The following CARD10 variants were observed in gnomAD, a reference collection of about 807,000 sequenced individuals.
CARD10 encodes caspase recruitment domain family member 10.
Under a neutral mutation model 114.6 loss-of-function variants are expected in CARD10, and 49 were observed. That is an observed-to-expected ratio of 0.43 (90% CI 0.34 to 0.54). CARD10 has a LOEUF of 0.54. CARD10 is among the 20% of genes least tolerant of loss of function. The pLI is 0.03. For synonymous variants in CARD10, 602 were observed against 593.2 expected, an observed-to-expected ratio of 1.01 and a Z score of -0.21; for missense variants, 1,206 against 1,397.2, an observed-to-expected ratio of 0.86 and a Z score of 2.18.
chr22:37,518,217 G>T, intron 1 of CARD10, 109 bp from the exon 2 acceptor site: 1 of 1,084,360 alleles, frequency 9.2e-7, no homozygotes, highest in Non-Finnish European at 1.3e-6. Flanking sequence ...AGATTTTTGA[G>T]CCAGTGACAC....
rs2145751209 is a variant in CARD10 at position 37,492,870 on chromosome 22, C to G, written c.2477-68G>C. 2.7e-6 allele frequency: 4 copies of G among 1,504,206 alleles called. No individual in the cohort carries two copies. In the East Asian group the frequency reaches 9.3e-5, roughly 35 times the overall value. 93.2% of individuals were successfully genotyped at this position (1,504,206 alleles called of 1,614,324 possible). A position where few individuals can be genotyped will look rare whatever the true frequency, so the allele number is the denominator to read the frequency against. On this transcript the variant is annotated intron_variant, in intron 16 of 19. Coordinates refer to ENST00000251973, the MANE Select transcript of CARD10 (RefSeq NM_014550.4). The surrounding 1 kb of genome is among the most constrained non-coding windows in gnomAD (Gnocchi z 5.7). ...GGCAGCATACCAGCTCGTCGATACC[C>G]CAAAACCCACCCCGCCACCCATCCC... is the stretch of plus-strand genomic sequence containing the variant.
At chr22:37,513,236 G>A (rs751175336) in intron 3 of CARD10, among the ~76,000 whole-genome samples, 3 of 151,838 alleles carry the variant, frequency 2.0e-5, no homozygotes, top group East Asian at 1.9e-4. Context: ...TCAGCCTCCC[G>A]AGTCCCTGAG....
chr22:37,495,061 C>T (rs1190894861), intron 15 of CARD10, among the ~76,000 whole-genome samples: 1 of 152,068 alleles, frequency 6.6e-6, no homozygotes, highest in African/African-American at 2.4e-5. Context: ...CTCCCGGGTT[C>T]ACTTCATTCT....
Position 37,502,741 on chromosome 22 carries a change from G to A in CARD10, c.1664-16C>T, listed in dbSNP as rs1483719458. 6.2e-7 allele frequency: 1 copy of A among 1,610,718 alleles called. No homozygotes were observed. The highest frequency in any genetic ancestry group is 2.2e-5 in the East Asian group (1 of 44,848). ...GTCACACTCCCTGGGGAAAAAGAATGAGGTTCAGGGATCTGGCACTGGGAA... is the reference window on the plus strand; with the variant it reads ...GTCACACTCCCTGGGGAAAAAGAATAAGGTTCAGGGATCTGGCACTGGGAA... On this transcript the variant is annotated splice_polypyrimidine_tract_variant and intron_variant, in intron 10 of 19. Transcript: ENST00000251973.
Position 37,491,801 on chromosome 22 carries a change from T to C in CARD10, c.2818A>G (p.Ile940Val). The change falls in exon 19 of 20, where the codon ATC becomes GTC. Residue 940 changes from isoleucine (I) to valine (V), a missense_variant. By Grantham distance (29) the Ile-to-Val change is conservative. Transcript: ENST00000251973. The stretch of plus-strand genomic sequence containing the variant: ...TCAGTCACCTCCACGTGGATGACGA[T>C]GGGGTAGATCTCGTTCTGCACCAGC... The part of the protein sequence containing the change: ...RELVQNEIYP[I>V]VIHVEVTEKN... The C allele has an allele frequency of 6.6e-7, 1 of 1,513,188 alleles. No individual in the cohort carries two copies. The highest frequency in any genetic ancestry group is 8.9e-7 in the Non-Finnish European group (1 of 1,119,372). The allele number at this position is 1,513,188 out of a possible 1,614,324, so 93.7% of individuals were successfully genotyped here. A position where few individuals can be genotyped will look rare whatever the true frequency, so the allele number is the denominator to read the frequency against.
rs1397455090 is a variant in CARD10, at chr22:37,497,134, G to A, written c.1832C>T (p.Pro611Leu). Residue 611 changes from proline to leucine, a missense_variant, in exon 12 of 20, where the codon CCA becomes CTA. Coordinates refer to ENST00000251973, the MANE Select transcript of CARD10 (RefSeq NM_014550.4). Reference protein sequence around the residue: ...RVSGRSPPGGPEPQDKGPDGL... With the variant: ...RVSGRSPPGGLEPQDKGPDGL... ...ATCTGGTCCCTTGTCCTGCGGCTCT[G>A]GGCCCCCTGGGGGGCTCCGGCCAGA... 4.3e-6 allele frequency: 7 copies of A among 1,614,068 alleles called. No homozygotes were observed. Among genetic ancestry groups the A allele is most frequent in the Non-Finnish European group, 5.9e-6 (7 of 1,180,032 alleles).
intron 16 of CARD10, among the ~76,000 whole-genome samples, chr22:37,493,525 C>T (rs998085508): frequency 2.0e-5 from 3 of 152,282 alleles, no homozygotes; most frequent in Non-Finnish European, 4.4e-5. Context: ...ACCTGCTGTC[C>T]CCAACACCCT....
At chr22:37,506,705 C>T (rs7285572) in intron 6 of CARD10, among the ~76,000 whole-genome samples, 11,775 of 152,164 alleles carry the variant, frequency 0.077, 1,584 homozygotes, top group African/African-American at 0.27. Flanking sequence ...AACTTTTCCA[C>T]GAGACCTGCT....
intron 3 of CARD10, among the ~76,000 whole-genome samples, chr22:37,510,997 A>C (rs1375794011): frequency 6.6e-6 from 1 of 151,562 alleles, no homozygotes; most frequent in Non-Finnish European, 1.5e-5. Flanking sequence ...CACGAGAATC[A>C]TTTGAACCCA....
chr22:37,497,153 G>A lies in CARD10; in HGVS notation c.1813C>T (p.Arg605Trp), dbSNP rs763506217. 5.8e-5 allele frequency: 94 copies of A among 1,613,642 alleles called. No individual in the cohort carries two copies. Among genetic ancestry groups the A allele is most frequent in the Non-Finnish European group, 7.5e-5 (88 of 1,179,896 alleles). Reference protein sequence around the residue: ...NRSLAIRVSGRSPPGGPEPQD... With the variant: ...NRSLAIRVSGWSPPGGPEPQD... Reference sequence around the variant, plus strand: ...GGCTCTGGGCCCCCTGGGGGGCTCCGGCCAGACACCCGAATAGCCAGAGAC... The same window carrying A: ...GGCTCTGGGCCCCCTGGGGGGCTCCAGCCAGACACCCGAATAGCCAGAGAC... Residue 605 changes from arginine to tryptophan, a missense_variant, in exon 12 of 20, where the codon CGG becomes TGG. Physicochemically the swap from Arg to Trp is moderately radical, Grantham distance 101. Transcript: ENST00000251973.
chr22:37,516,749 GTTAAC>G (rs765350030), intron 2 of CARD10, among the ~76,000 whole-genome samples: 12 of 152,164 alleles, frequency 7.9e-5, no homozygotes, highest in Admixed American at 5.2e-4. Context: ...ACTAATATTT[GTTAAC>G]TTCATTCTTT....
intron 3 of CARD10, chr22:37,511,863 G>C (rs1289716144): frequency 6.6e-6 from 1 of 152,250 alleles, no homozygotes; most frequent in Non-Finnish European, 1.5e-5. Context: ...TCCAGTTCCA[G>C]GGTTCAGGTT....
intron 11 of CARD10, among the ~76,000 whole-genome samples, chr22:37,498,085 G>A (rs1172862985): frequency 1.3e-5 from 2 of 152,212 alleles, no homozygotes; most frequent in African/African-American, 2.4e-5. Context: ...GTGGAGGACA[G>A]AACACAGGAT....
rs571402269 is a variant in CARD10, at chr22:37,495,532, T to A, written c.2358A>T (p.Arg786=). ...CCGTGCTCACATTACTGCGGGGGCC[T>A]CGGTGCCGGCTGGAGGGCAGGCATT... ...QEKCLPSSRH[R]GPRSNLKKRA... Residue 786 remains arginine, a synonymous_variant, in exon 15 of 20, where the codon CGA becomes CGT. Transcript: ENST00000251973. 1.2e-6 allele frequency: 2 copies of A among 1,612,352 alleles called. No homozygotes were observed. The highest frequency in any genetic ancestry group is 3.3e-5 in the Admixed American group (2 of 59,782).
intron 5 of CARD10, 90 bp from the exon 6 acceptor site, chr22:37,508,044 G>A (rs150405412): frequency 2.9e-4 from 426 of 1,492,276 alleles, no homozygotes; most frequent in Admixed American, 4.1e-4. Context: ...AGTGAGAGAC[G>A]CTCACCAACA....
In CARD10 at chr22:37,492,143, T is replaced by G. The variant is rs1922824793; in HGVS notation, c.2752-276A>C. Among the ~76,000 whole-genome samples the G allele has an allele frequency of 6.6e-6, 1 of 151,354 alleles. No individual in the cohort carries two copies. The highest frequency in any genetic ancestry group is 1.5e-5 in the Non-Finnish European group (1 of 67,834). On this transcript the variant is annotated intron_variant, in intron 18 of 19. Transcript: ENST00000251973. This position sits in a 1 kb window ranked among gnomAD's most constrained non-coding sequence, Gnocchi z 5.7. ...AACCCACCCACCACCCGCCACCTTA[T>G]AGCCGACTGCCAGCTCCCAGGATAG...
At chr22:37,512,489 A>T (rs1464341998) in intron 3 of CARD10, among the ~76,000 whole-genome samples, 1 of 148,820 alleles carries the variant, frequency 6.7e-6, no homozygotes, top group Non-Finnish European at 1.5e-5. Flanking sequence ...ACACACACAC[A>T]CACACACACA....
chr22:37,493,058 C>G (rs1922865236), intron 16 of CARD10, among the ~76,000 whole-genome samples: 1 of 152,168 alleles, frequency 6.6e-6, no homozygotes, highest in African/African-American at 2.4e-5. Context: ...CAAATCAGAT[C>G]ATGTTAACTC....
At position 37,504,169 on chromosome 22, in the gene CARD10, A is replaced by G; in HGVS notation, c.1634+17T>C. On this transcript the variant is annotated intron_variant, in intron 9 of 19. Coordinates refer to ENST00000251973, the MANE Select transcript of CARD10 (RefSeq NM_014550.4). Reference sequence around the variant, plus strand: ...CCCACCTCCCTGGGTGTCTACTGCTATCCCCAGCCATCTCACCTCTTAGGG... The same window carrying G: ...CCCACCTCCCTGGGTGTCTACTGCTGTCCCCAGCCATCTCACCTCTTAGGG... 1 of 1,527,838 alleles carries G rather than the reference A, an allele frequency of 6.5e-7. No homozygotes were observed. Among genetic ancestry groups the G allele is most frequent in the East Asian group, 2.4e-5 (1 of 41,034 alleles). The allele number at this position is 1,527,838 out of a possible 1,614,324, so 94.6% of individuals were successfully genotyped here.
Sources: allele counts gnomAD v4.1 joint callset (sites outside exome capture counted in the v4.1 genomes callset), GRCh38; gene constraint gnomAD v4.1.1; non-coding constraint Gnocchi (gnomAD v3.1); transcripts MANE v1.5; gene names NCBI Gene and HGNC (gene_info 2026-07-23, HGNC 2026-07-21).